The following ADORA2B variants were observed in gnomAD, a reference collection of about 807,000 sequenced individuals.
ADORA2B encodes adenosine A2b receptor.
A neutral mutation model predicts 20.8 loss-of-function variants in ADORA2B; 18 were observed. The ratio of observed to expected loss-of-function variants is 0.87; its 90% CI spans 0.60 to 1.29. The LOEUF is 1.29. ADORA2B is among the 50% of genes most tolerant of loss of function. The pLI is 0.00. For synonymous variants in ADORA2B, 179 were observed against 178.3 expected, an observed-to-expected ratio of 1.00 and a Z score of -0.03; for missense variants, 441 against 422.7, an observed-to-expected ratio of 1.04 and a Z score of -0.38.
At chr17:15,865,346 C>T in the ADORA2B span, among the ~76,000 whole-genome samples, 1 of 151,876 alleles carries the variant, frequency 6.6e-6, no homozygotes, top group African/African-American at 2.4e-5. Context: ...ACTGCAACCT[C>T]TGCCTCCCGG....
the ADORA2B span, among the ~76,000 whole-genome samples, chr17:15,872,202 G>A: frequency 6.6e-6 from 1 of 152,112 alleles, no homozygotes; most frequent in Non-Finnish European, 1.5e-5. Flanking sequence ...ACTAGTGATG[G>A]TCGCACAACA....
At chr17:15,874,473 A>G in the ADORA2B span, among the ~76,000 whole-genome samples, 1 of 151,960 alleles carries the variant, frequency 6.6e-6, no homozygotes, top group Non-Finnish European at 1.5e-5. Flanking sequence ...AGATTATTTA[A>G]GGCCAGGAGT....
chr17:15,893,423 A>G, the ADORA2B span, among the ~76,000 whole-genome samples: 1 of 152,204 alleles, frequency 6.6e-6, no homozygotes, highest in Non-Finnish European at 1.5e-5. Flanking sequence ...TCTAAATGTT[A>G]TCATTCAGAG....
At chr17:15,910,514 G>A in the ADORA2B span, among the ~76,000 whole-genome samples, 5 of 152,072 alleles carry the variant, frequency 3.3e-5, no homozygotes, top group African/African-American at 9.7e-5. Flanking sequence ...AGCCAGGCTC[G>A]TCTCAAACTC....
chr17:15,867,665 G>T, the ADORA2B span, among the ~76,000 whole-genome samples: 38 of 149,852 alleles, frequency 2.5e-4, no homozygotes, highest in Admixed American at 1.3e-3. Flanking sequence ...ATCCGGGAGG[G>T]AGGTGGGGAG....
chr17:15,910,337 A>AGACTGAGTTTTG, the ADORA2B span, among the ~76,000 whole-genome samples: 1 of 151,210 alleles, frequency 6.6e-6, no homozygotes, highest in African/African-American at 2.4e-5. Context: ...TTGCTGTTTC[A>AGACTGAGTTTTG]CCCAGGCTGG....
At chr17:15,879,639 G>A in the ADORA2B span, among the ~76,000 whole-genome samples, 5 of 148,632 alleles carry the variant, frequency 3.4e-5, no homozygotes, top group Admixed American at 1.3e-4. Context: ...CTGGGTTCAC[G>A]CCATTCTCCT....
the ADORA2B span, among the ~76,000 whole-genome samples, chr17:15,917,926 C>T: frequency 6.6e-6 from 1 of 152,230 alleles, no homozygotes; most frequent in East Asian, 1.9e-4. Flanking sequence ...TGCCGCTGTC[C>T]CTCCCTCCCT....
chr17:15,920,972 T>G, the ADORA2B span, among the ~76,000 whole-genome samples: 2 of 152,222 alleles, frequency 1.3e-5, no homozygotes, highest in Non-Finnish European at 2.9e-5. Context: ...AAAAATTCTC[T>G]CGCTCTGGAA....
the ADORA2B span, among the ~76,000 whole-genome samples, chr17:15,876,049 C>T: frequency 2.0e-5 from 3 of 152,214 alleles, no homozygotes; most frequent in Admixed American, 1.3e-4. Flanking sequence ...CACAGATTCC[C>T]TGTTAGTTCT....
intron 1 of ADORA2B, among the ~76,000 whole-genome samples, chr17:15,947,167 G>A (rs1302721971): frequency 6.6e-6 from 1 of 152,198 alleles, no homozygotes; most frequent in South Asian, 2.1e-4. Context: ...GGCTTAGGGA[G>A]GACAGCAGTT....
chr17:15,874,112 A>G, the ADORA2B span, among the ~76,000 whole-genome samples: 1 of 146,704 alleles, frequency 6.8e-6, no homozygotes, highest in African/African-American at 2.5e-5. Context: ...ACACACATAT[A>G]TACATACACA....
At chr17:15,918,133 A>C in the ADORA2B span, among the ~76,000 whole-genome samples, 1 of 151,966 alleles carries the variant, frequency 6.6e-6, no homozygotes, top group Admixed American at 6.6e-5. Flanking sequence ...GCCCAAGACC[A>C]CCTTCTTGCT....
At chr17:15,928,700 G>C in the ADORA2B span, among the ~76,000 whole-genome samples, 1 of 152,202 alleles carries the variant, frequency 6.6e-6, no homozygotes, top group Non-Finnish European at 1.5e-5. Flanking sequence ...AGGTGGGTCA[G>C]GTGTGTTGGA....
chr17:15,887,209 T>C, the ADORA2B span, among the ~76,000 whole-genome samples: 11 of 130,136 alleles, frequency 8.5e-5, 3 homozygotes, highest in African/African-American at 3.3e-4. Flanking sequence ...GGGAAGGCTC[T>C]TGCCCACAGA....
chr17:15,924,867 C>A, the ADORA2B span, among the ~76,000 whole-genome samples: 1 of 151,000 alleles, frequency 6.6e-6, no homozygotes, highest in Non-Finnish European at 1.5e-5. Flanking sequence ...TTCTTTCTTT[C>A]TTTCTTTTTT....
the ADORA2B span, among the ~76,000 whole-genome samples, chr17:15,865,379 G>A: frequency 2.0e-5 from 3 of 150,972 alleles, no homozygotes; most frequent in Non-Finnish European, 3.0e-5. Context: ...CTCCTGCCTC[G>A]ACCTCCGGAG....
intron 1 of ADORA2B, among the ~76,000 whole-genome samples, chr17:15,959,070 C>T (rs1240186344): frequency 6.6e-6 from 1 of 152,102 alleles, no homozygotes; most frequent in African/African-American, 2.4e-5. Context: ...ATAAGAATCC[C>T]ACATCGTGTG....
chr17:15,866,171 T>A, the ADORA2B span, among the ~76,000 whole-genome samples: 1 of 152,100 alleles, frequency 6.6e-6, no homozygotes, highest in East Asian at 1.9e-4. Flanking sequence ...GTTGGTTACA[T>A]CCTTCAGAAT....
Sources: allele counts gnomAD v4.1 joint callset (sites outside exome capture counted in the v4.1 genomes callset), GRCh38; gene constraint gnomAD v4.1.1; transcripts MANE v1.5; gene names NCBI Gene and HGNC (gene_info 2026-07-23, HGNC 2026-07-21).